Variants in TP73 observed in about 807,000 individuals in gnomAD.
TP73 encodes the protein p53-like transcription factor.
A neutral mutation model predicts 62.5 loss-of-function variants in TP73; 25 were observed. The ratio of observed to expected loss-of-function variants is 0.40; its 90% confidence interval spans 0.29 to 0.56. The LOEUF is 0.56. TP73 is among the 20% of genes least tolerant of loss of function. The probability of loss-of-function intolerance (pLI) is 0.46; values close to 1 mark genes in which losing one functional copy is unlikely to be tolerated. For synonymous variants in TP73, 423 were observed against 377.5 expected (o/e 1.12, Z -1.40); for missense variants, 754 against 913.3 (o/e 0.83, Z 2.25).
intron 4 of TP73, among the ~76,000 whole-genome samples, chr1:3,721,160 T>C (rs558024825): frequency 2.0e-5 from 3 of 152,336 alleles, no homozygotes; most frequent in Non-Finnish European, 4.4e-5. Context: ...CGGGGTCACT[T>C]TTAGAACTCA....
At chr1:3,720,797 C>T (rs901740611) in intron 4 of TP73, among the ~76,000 whole-genome samples, 4 of 152,238 alleles carry the variant, frequency 2.6e-5, no homozygotes, top group Admixed American at 2.0e-4. Context: ...GGGGTCAGGG[C>T]CCCCTAACTT....
intron 13 of TP73, 148 bp from the exon 14 acceptor site, chr1:3,732,599 G>A (rs1642216682): frequency 1.4e-6 from 1 of 691,896 alleles, no homozygotes; most frequent in Non-Finnish European, 2.4e-6. Flanking sequence ...TGACTCTGGT[G>A]GGCTCTCCCC....
chr1:3,678,846 C>T (rs759313261), intron 1 of TP73, among the ~76,000 whole-genome samples: 12 of 152,198 alleles, frequency 7.9e-5, no homozygotes, highest in South Asian at 6.2e-4. Context: ...CCAGGGCTTC[C>T]GGCTGGTCCA....
intron 6 of TP73, among the ~76,000 whole-genome samples, 199 bp from the exon 7 acceptor site, chr1:3,726,916 T>TGGATGGAC (rs1641694207): frequency 2.0e-5 from 3 of 147,808 alleles, no homozygotes; most frequent in African/African-American, 5.0e-5. Flanking sequence ...GATGGATGGA[T>TGGATGGAC]GGACGGATGG....
intron 6 of TP73, among the ~76,000 whole-genome samples, chr1:3,726,017 G>A (rs1484739156): frequency 2.1e-5 from 2 of 95,180 alleles, no homozygotes; most frequent in African/African-American, 4.2e-5. Context: ...GATGGGGTGG[G>A]TGTGGGGGTG....
chr1:3,697,597 C>T (rs1432962110), intron 3 of TP73, among the ~76,000 whole-genome samples: 6 of 152,350 alleles, frequency 3.9e-5, no homozygotes, highest in Middle Eastern at 6.8e-3. Flanking sequence ...TGTTTACTGT[C>T]GTCAGCATGG....
At chr1:3,708,426 C>T (rs111331925) in intron 4 of TP73, 17 of 154,866 alleles carry the variant, frequency 1.1e-4, no homozygotes, top group East Asian at 7.7e-4. Context: ...CCAGTCTCCT[C>T]GAGCCAGGCA....
chr1:3,664,524 A>T (rs1645069185), intron 1 of TP73, among the ~76,000 whole-genome samples: 1 of 152,144 alleles, frequency 6.6e-6, no homozygotes, highest in South Asian at 2.1e-4. Context: ...ATTTCCTGTG[A>T]TCTTAGCAAT....
In TP73 at chr1:3,696,152, A is replaced by G. The variant is rs1379944381; in HGVS notation, c.187-11397A>G. On this transcript the variant is annotated intron_variant, in intron 3 of 13. Coordinates refer to ENST00000378295, the MANE Select transcript of TP73 (RefSeq NM_005427.4). The surrounding 1 kb of genome is among the most constrained non-coding windows in gnomAD (Gnocchi z 4.1). ...GTCCTGGGGCCTGAAAAGTGTGACC[A>G]CCTGGTGGCTCAGTCCTGTGTGCAT... Among the ~76,000 whole-genome samples, 2 of 152,066 alleles carry G rather than the reference A, an allele frequency of 1.3e-5. No homozygotes were observed. Among genetic ancestry groups the G allele is most frequent in the Non-Finnish European group, 2.9e-5 (2 of 68,018 alleles).
At position 3,727,123 on chromosome 1, in the gene TP73, G is replaced by A. The variant is rs140541850; in HGVS notation, c.741G>A (p.Thr247=). The stretch of plus-strand genomic sequence containing the variant: ...TGCTCCCCCATGTGCAGGTGGGGAC[G>A]GAATTCACCACCATCCTGTACAACT... ...VVPYEPPQVG[T]EFTTILYNFM... The change falls in exon 7 of 14, where the codon ACG becomes ACA. Residue 247 remains threonine (T), a synonymous_variant. Coordinates refer to ENST00000378295, the MANE Select transcript of TP73 (RefSeq NM_005427.4). 1,312 of 1,611,680 alleles carry A rather than the reference G, an allele frequency of 8.1e-4. 1 individual carries two copies. Among genetic ancestry groups the A allele is most frequent in the Non-Finnish European group, 9.5e-4 (1,116 of 1,179,292 alleles).
At chr1:3,703,852 A>G (rs558475298) in intron 3 of TP73, among the ~76,000 whole-genome samples, 1 of 152,244 alleles carries the variant, frequency 6.6e-6, no homozygotes, top group Non-Finnish European at 1.5e-5. Context: ...GGGGGACTCA[A>G]ATGAGTCAGG....
At chr1:3,686,279 A>C (rs1014300399) in intron 3 of TP73, among the ~76,000 whole-genome samples, 2 of 152,228 alleles carry the variant, frequency 1.3e-5, no homozygotes, top group African/African-American at 4.8e-5. Context: ...ACGAGCAGGC[A>C]GATTGGTTCC....
chr1:3,681,152 A>C (rs1412294911), intron 1 of TP73, among the ~76,000 whole-genome samples: 2 of 152,158 alleles, frequency 1.3e-5, no homozygotes, highest in Non-Finnish European at 2.9e-5. Context: ...ACAGGCTTCT[A>C]TCAGCTCCCG....
chr1:3,654,798 T>A (rs375411308), intron 1 of TP73, among the ~76,000 whole-genome samples: 6 of 152,254 alleles, frequency 3.9e-5, no homozygotes, highest in African/African-American at 9.6e-5. Context: ...TGATGGCATC[T>A]GTCAGAAGTA....
intron 1 of TP73, among the ~76,000 whole-genome samples, chr1:3,664,057 T>A (rs760758151): frequency 6.6e-6 from 1 of 152,218 alleles, no homozygotes; most frequent in African/African-American, 2.4e-5. Flanking sequence ...GAGCTGCCTA[T>A]GGGACCACAC....
chr1:3,686,437 A>G (rs2102109987), intron 3 of TP73, among the ~76,000 whole-genome samples: 2 of 152,308 alleles, frequency 1.3e-5, no homozygotes, highest in South Asian at 4.1e-4. Flanking sequence ...GTAGGAGCCC[A>G]GAGCAGAGAG....
At chr1:3,684,288 C>G (rs1645596437) in intron 3 of TP73, among the ~76,000 whole-genome samples, 2 of 152,234 alleles carry the variant, frequency 1.3e-5, no homozygotes, top group African/African-American at 2.4e-5. Context: ...AAAACCAGCC[C>G]GAACTGTGGG....
rs1442528745 is a variant in TP73 at position 3,701,330 on chromosome 1, C to T, written c.187-6219C>T. The stretch of plus-strand genomic sequence containing the variant: ...GGCGGAGCCTGCCCAGCCGTCGTTC[C>T]TCCTGGCTGGGTTTTTGTGCCAAGG... On this transcript the variant is annotated intron_variant, in intron 3 of 13. Transcript: ENST00000378295. This position sits in a 1 kb window ranked among gnomAD's most constrained non-coding sequence, Gnocchi z 4.7. Among the ~76,000 whole-genome samples, 3 of 152,160 alleles carry T rather than the reference C, an allele frequency of 2.0e-5. No homozygotes were observed. Among genetic ancestry groups the T allele is most frequent in the African/African-American group, 7.2e-5 (3 of 41,430 alleles).
chr1:3,693,133 G>A (rs537338294), intron 3 of TP73, among the ~76,000 whole-genome samples: 11 of 152,238 alleles, frequency 7.2e-5, no homozygotes, highest in East Asian at 1.9e-4. Flanking sequence ...CTTCCCTCTC[G>A]GGGGGAGGTG....
Sources: allele counts gnomAD v4.1 joint callset (sites outside exome capture counted in the v4.1 genomes callset), GRCh38; gene constraint gnomAD v4.1.1; non-coding constraint Gnocchi (gnomAD v3.1); transcripts MANE v1.5; gene names NCBI Gene and HGNC (gene_info 2026-07-23, HGNC 2026-07-21).